TENT2: variants seen among roughly 807,000 people sequenced by gnomAD.
TENT2 encodes the protein poly(A) RNA polymerase GLD2.
TENT2 carries 44 observed loss-of-function variants against 72.2 expected under a neutral mutation model. The ratio of observed to expected loss-of-function variants is 0.61; its 90% confidence interval spans 0.48 to 0.78. The LOEUF (loss-of-function observed/expected upper bound fraction) is 0.78. Ranked by LOEUF, TENT2 falls within the 30% of genes least tolerant of loss-of-function variation. The pLI is 0.00. For synonymous variants in TENT2, 212 were observed against 192.5 expected (o/e 1.10, Z -0.84); for missense variants, 541 against 569.6 (o/e 0.95, Z 0.51).
chr5:79,672,503 T>C (rs1483370349), intron 12 of TENT2, among the ~76,000 whole-genome samples: 1 of 152,230 alleles, frequency 6.6e-6, no homozygotes, highest in East Asian at 1.9e-4. Flanking sequence ...TCTAGTCTCT[T>C]ATCTCCATGA....
intron 6 of TENT2, among the ~76,000 whole-genome samples, chr5:79,641,630 G>A (rs1784545391): frequency 6.6e-6 from 1 of 150,920 alleles, no homozygotes; most frequent in Non-Finnish European, 1.5e-5. Flanking sequence ...AGGGAAAATA[G>A]ATTTCACTAA....
chr5:79,681,057 G>GT (rs200591273), intron 13 of TENT2, among the ~76,000 whole-genome samples: 1 of 129,918 alleles, frequency 7.7e-6, no homozygotes, highest in African/African-American at 2.9e-5. Flanking sequence ...CTGTTCCTTT[G>GT]TTTTTTTCCT....
intron 12 of TENT2, among the ~76,000 whole-genome samples, chr5:79,675,783 G>A (rs1250481135): frequency 6.6e-6 from 1 of 152,140 alleles, no homozygotes; most frequent in Non-Finnish European, 1.5e-5. Flanking sequence ...GATGCCTATA[G>A]GACATCCAGG....
intron 6 of TENT2, among the ~76,000 whole-genome samples, chr5:79,641,853 C>T (rs747159458): frequency 1.3e-5 from 2 of 151,086 alleles, no homozygotes; most frequent in African/African-American, 2.4e-5. Flanking sequence ...ATTTGAACAT[C>T]CCTGATGCAA....
chr5:79,636,450 AGGG>A (rs1780208102), intron 4 of TENT2, among the ~76,000 whole-genome samples: 1 of 152,184 alleles, frequency 6.6e-6, no homozygotes, highest in Admixed American at 6.5e-5. Context: ...TCCTTCTGCC[AGGG>A]CCATACTATC....
chr5:79,668,727 T>TTTCAG, intron 11 of TENT2, 165 bp from the exon 12 acceptor site: 1 of 651,764 alleles, frequency 1.5e-6, no homozygotes, highest in Admixed American at 2.9e-5. Context: ...CTACTGCAAA[T>TTTCAG]ACTGGTGAAG....
chr5:79,663,779 C>T (rs998232315), intron 11 of TENT2, among the ~76,000 whole-genome samples: 8 of 152,084 alleles, frequency 5.3e-5, no homozygotes, highest in Admixed American at 3.3e-4. Flanking sequence ...AGTGCGCACA[C>T]GCTGCTGGAA....
rs986820285 is a variant in TENT2, at chr5:79,667,258, A to G, written c.1072-1634A>G. Among the ~76,000 whole-genome samples, 3 of 152,234 alleles carry G rather than the reference A, an allele frequency of 2.0e-5. No individual in the cohort carries two copies. The East Asian group carries it at 5.8e-4, about 29-fold the overall frequency. On this transcript the variant is annotated intron_variant, in intron 11 of 14. Coordinates refer to ENST00000453514, the MANE Select transcript of TENT2 (RefSeq NM_001114394.3). Reference sequence around the variant, plus strand: ...TTGAATGCTAATTGTGCTTGGTGCTAGGAATCAAAATTAGTAAGAAGCTTT... The same window carrying G: ...TTGAATGCTAATTGTGCTTGGTGCTGGGAATCAAAATTAGTAAGAAGCTTT...
At chr5:79,641,488 G>T (rs1580372006) in intron 6 of TENT2, among the ~76,000 whole-genome samples, 2 of 146,808 alleles carry the variant, frequency 1.4e-5, no homozygotes. Context: ...TCATTAGTTT[G>T]GATATGTTAC....
At chr5:79,642,766 C>G in intron 6 of TENT2, 66 bp from the exon 7 acceptor site, 2 of 1,294,270 alleles carry the variant, frequency 1.5e-6, no homozygotes, top group Non-Finnish European at 2.2e-6. Context: ...TGTTGAGATA[C>G]TTTAGGAAAA....
intron 8 of TENT2, among the ~76,000 whole-genome samples, chr5:79,647,587 A>G (rs1790158201): frequency 6.6e-6 from 1 of 152,206 alleles, no homozygotes. Flanking sequence ...AAAGATTGTA[A>G]GATTTTCTTT....
intron 12 of TENT2, among the ~76,000 whole-genome samples, chr5:79,676,414 G>A (rs370315423): frequency 1.1e-4 from 17 of 151,912 alleles, no homozygotes; most frequent in South Asian, 2.1e-4. Context: ...GTGAAATGCC[G>A]TCTCTGCTAA....
At chr5:79,669,135 G>T in intron 12 of TENT2, 107 bp downstream of exon 12, 1 of 1,334,800 alleles carries the variant, frequency 7.5e-7, no homozygotes, top group Non-Finnish European at 1.0e-6. Context: ...ATTTAGTCAG[G>T]AGCTGTGTTT....
chr5:79,667,978 G>A (rs548488754), intron 11 of TENT2, among the ~76,000 whole-genome samples: 5 of 149,642 alleles, frequency 3.3e-5, no homozygotes, highest in Admixed American at 6.7e-5. Flanking sequence ...CTATTCTGAC[G>A]GCAGTGGAGA....
At chr5:79,677,022 C>T (rs1817809131) in intron 12 of TENT2, among the ~76,000 whole-genome samples, 1 of 152,048 alleles carries the variant, frequency 6.6e-6, no homozygotes, top group Non-Finnish European at 1.5e-5. Context: ...CATGATTGTG[C>T]CACCGTACCC....
In TENT2 at chr5:79,623,270, A is replaced by C; in HGVS notation, c.246A>C (p.Lys82Asn). 6.2e-7 allele frequency: 1 copy of C among 1,612,442 alleles called. No individual in the cohort carries two copies. The highest frequency in any genetic ancestry group is 8.5e-7 in the Non-Finnish European group (1 of 1,179,264). Residue 82 changes from lysine (K) to asparagine (N), a missense_variant, in exon 4 of 15, where the codon AAA (lysine) becomes AAC (asparagine). Coordinates refer to ENST00000453514, the MANE Select transcript of TENT2 (RefSeq NM_001114394.3). ...TTTTCAGGAGATTAAGCGATGAAAA[A>C]AACCTTCCTCTTGACGGTAAACGGC... ...FRGRKRLSDE[K>N]NLPLDGKRQR...
chr5:79,683,260 C>T (rs1281919995), intron 14 of TENT2, among the ~76,000 whole-genome samples: 2 of 151,912 alleles, frequency 1.3e-5, no homozygotes, highest in Non-Finnish European at 2.9e-5. Flanking sequence ...TTAAGACCAG[C>T]CTGGGCAACG....
intron 1 of TENT2, among the ~76,000 whole-genome samples, chr5:79,616,314 C>G (rs2149819147): frequency 6.7e-6 from 1 of 149,250 alleles, no homozygotes; most frequent in East Asian, 2.0e-4. Flanking sequence ...TTCTCCTGTC[C>G]CAGCCTCCCA....
intron 14 of TENT2, among the ~76,000 whole-genome samples, chr5:79,683,383 A>T (rs1823720199): frequency 6.6e-6 from 1 of 151,730 alleles, no homozygotes; most frequent in African/African-American, 2.4e-5. Context: ...AGTGGTATGC[A>T]CCTGTGTCTT....
Sources: allele counts gnomAD v4.1 joint callset (sites outside exome capture counted in the v4.1 genomes callset), GRCh38; gene constraint gnomAD v4.1.1; transcripts MANE v1.5; gene names NCBI Gene and HGNC (gene_info 2026-07-23, HGNC 2026-07-21).